The following KAT6A variants were observed in gnomAD, a reference collection of about 807,000 sequenced individuals.
KAT6A encodes the protein lysine acetyltransferase 6A.
KAT6A carries 9 observed loss-of-function variants against 198.4 expected under a neutral mutation model. The observed-to-expected ratio is 0.05, with a 90% CI of 0.03 to 0.08. The LOEUF is 0.08. Ranked by LOEUF, KAT6A falls within the 10% of genes least tolerant of loss-of-function variation. The probability of loss-of-function intolerance (pLI) is 1.00; values close to 1 mark genes in which losing one functional copy is unlikely to be tolerated. For synonymous variants in KAT6A, 890 were observed against 883.0 expected, an observed-to-expected ratio of 1.01 and a Z score of -0.14; for missense variants, 2,077 against 2,509.9, an observed-to-expected ratio of 0.83 and a Z score of 3.69.
Position 41,933,494 on chromosome 8 carries a change from T to C in KAT6A, c.4726A>G (p.Ser1576Gly). The C allele has an allele frequency of 6.2e-7, 1 of 1,613,778 alleles. No homozygotes were observed. Among genetic ancestry groups the C allele is most frequent in the Non-Finnish European group, 8.5e-7 (1 of 1,179,750 alleles). ...TGGGAAGAGCTGTTCCCACAGATGCTGCCGCCCATCGTGGAGTCGTAACTG... is the reference window on the plus strand; with the variant it reads ...TGGGAAGAGCTGTTCCCACAGATGCCGCCGCCCATCGTGGAGTCGTAACTG... Reference protein sequence around the residue: ...PSSYDSTMGGSICGNSSSQSS... With the variant: ...PSSYDSTMGGGICGNSSSQSS... The change falls in exon 17 of 17, where the codon AGC (serine) becomes GGC (glycine). Residue 1576 changes from serine to glycine, a missense_variant. Around this residue, in one of 13 missense-constraint regions of KAT6A, gnomAD observed 500 missense variants for 577.2 expected, o/e 0.87. Coordinates refer to ENST00000265713, the MANE Select transcript of KAT6A (RefSeq NM_006766.5). This position sits in a 1 kb window ranked among gnomAD's most constrained non-coding sequence, Gnocchi z 6.2.
In KAT6A at chr8:41,972,187, G is replaced by GAAT. The variant is rs1192769237; in HGVS notation, c.1482+2514_1482+2516dup. ...AATAATCTATGAGTTTAAACAAAATGAATAAACAAATAGGAAGAAGAAAAA... is the reference window on the plus strand; with the variant it reads ...AATAATCTATGAGTTTAAACAAAATGAATAATAAACAAATAGGAAGAAGAAAAA... On this transcript the variant is annotated intron_variant, in intron 8 of 16. Transcript: ENST00000265713. Among the ~76,000 whole-genome samples, 9 of 148,990 alleles carry GAAT rather than the reference G, an allele frequency of 6.0e-5. No individual in the cohort carries two copies. In the Admixed American group the frequency reaches 6.1e-4, roughly 10 times the overall value.
chr8:41,932,490 A>G lies in KAT6A; in HGVS notation c.5730T>C (p.Asn1910=), dbSNP rs144084994. Residue 1910 remains asparagine (N), a synonymous_variant, in exon 17 of 17, where the codon AAT becomes AAC. Coordinates refer to ENST00000265713, the MANE Select transcript of KAT6A (RefSeq NM_006766.5). ...GVNLMPTPAY[N]VNSMNMNTLN... ...AGGTGTTCATATTCATGGAATTGAC[A>G]TTATAGGCGGGAGTAGGCATCAGAT... The G allele has an allele frequency of 3.2e-4, 524 of 1,614,254 alleles. No homozygotes were observed. The highest frequency in any genetic ancestry group is 1.6e-3 in the Middle Eastern group (10 of 6,062).
chr8:41,932,921 G>C lies in KAT6A; in HGVS notation c.5299C>G (p.His1767Asp), dbSNP rs1821629207. ...QQLTNTIMDPHAMPYSHSPAV... is the reference protein window; with the variant it reads ...QQLTNTIMDPDAMPYSHSPAV... ...GGAGAATGGCTATAAGGCATGGCAT[G>C]AGGGTCCATAATGGTGTTGGTCAGC... is the stretch of plus-strand genomic sequence containing the variant. Residue 1767 changes from histidine to aspartate, a missense_variant, in exon 17 of 17, where the codon CAT (histidine) becomes GAT (aspartate). His to Asp is a moderately conservative substitution (Grantham distance 81). Transcript: ENST00000265713. 6.2e-7 allele frequency: 1 copy of C among 1,614,056 alleles called. No individual in the cohort carries two copies.
At position 42,006,044 on chromosome 8, in the gene KAT6A, TAAAC is replaced by T. The variant is rs529731278; in HGVS notation, c.601-18485_601-18482del. 1.3e-4 allele frequency among the ~76,000 whole-genome samples: 20 copies of T among 152,280 alleles called. No individual in the cohort carries two copies. In the South Asian group the frequency reaches 3.5e-3, roughly 27 times the overall value. On this transcript the variant is annotated intron_variant, in intron 2 of 16. Coordinates refer to ENST00000265713, the MANE Select transcript of KAT6A (RefSeq NM_006766.5). ...CTACAAGCATATGCTACCACAGAAA[TAAAC>T]AAAGTTTCTGTGAAGCAAAAGTATA...
intron 2 of KAT6A, among the ~76,000 whole-genome samples, chr8:42,028,306 C>A (rs932408317): frequency 2.6e-5 from 4 of 152,132 alleles, no homozygotes; most frequent in Admixed American, 2.0e-4. Flanking sequence ...GCACAGCTGA[C>A]CTGCCCAATT....
intron 8 of KAT6A, 35 bp from the exon 9 acceptor site, chr8:41,955,446 A>G (rs765434443): frequency 3.1e-6 from 4 of 1,307,580 alleles, no homozygotes; most frequent in South Asian, 2.4e-5. Context: ...AAAGTTAGCT[A>G]AATTAGACAC....
intron 1 of KAT6A, among the ~76,000 whole-genome samples, chr8:42,050,922 C>A (rs1402285868): frequency 1.3e-5 from 2 of 152,144 alleles, no homozygotes. Context: ...CTAGAGCGAG[C>A]GCAACTCGCT....
chr8:41,949,110 T>C (rs1822542462), intron 10 of KAT6A, 112 bp downstream of exon 10: 1 of 628,176 alleles, frequency 1.6e-6, no homozygotes, highest in African/African-American at 1.9e-5. Flanking sequence ...TTAGTACTTT[T>C]TCCATTTTAG....
At chr8:42,024,826 T>C (rs1424988222) in intron 2 of KAT6A, among the ~76,000 whole-genome samples, 6 of 152,194 alleles carry the variant, frequency 3.9e-5, no homozygotes, top group Admixed American at 2.0e-4. Flanking sequence ...ATTTATAAAA[T>C]TTTCTTTATC....
intron 2 of KAT6A, among the ~76,000 whole-genome samples, chr8:41,989,265 T>C (rs1262786192): frequency 1.3e-5 from 2 of 152,044 alleles, no homozygotes; most frequent in South Asian, 2.1e-4. Context: ...TCCCAGCACT[T>C]TGGGAGGCCG....
chr8:41,954,141 T>C (rs1159307135), intron 9 of KAT6A, among the ~76,000 whole-genome samples: 4 of 152,218 alleles, frequency 2.6e-5, no homozygotes, highest in Non-Finnish European at 4.4e-5. Flanking sequence ...GGTCAGTGTC[T>C]GAAATGGCAT....
intron 8 of KAT6A, among the ~76,000 whole-genome samples, chr8:41,962,462 T>A (rs569585977): frequency 1.3e-5 from 2 of 152,252 alleles, no homozygotes; most frequent in South Asian, 4.1e-4. Context: ...GCTTTCACAA[T>A]GCATCAACAT....
intron 2 of KAT6A, among the ~76,000 whole-genome samples, chr8:42,017,791 C>G (rs1483587080): frequency 2.0e-5 from 3 of 152,172 alleles, no homozygotes; most frequent in Non-Finnish European, 4.4e-5. Context: ...AGAGATAGCA[C>G]TCAGACAAAA....
chr8:41,937,646 C>G, intron 15 of KAT6A, 78 bp from the exon 16 acceptor site: 13 of 1,166,732 alleles, frequency 1.1e-5, no homozygotes, highest in Non-Finnish European at 1.6e-5. Context: ...AGTTTTAAAA[C>G]CAAATAGAAT....
chr8:41,958,730 A>G (rs1351366737), intron 8 of KAT6A, among the ~76,000 whole-genome samples: 1 of 152,244 alleles, frequency 6.6e-6, no homozygotes, highest in African/African-American at 2.4e-5. Flanking sequence ...AATCAGACAC[A>G]CTAAAATTTC....
chr8:41,947,085 T>C (rs1333603033), intron 11 of KAT6A, among the ~76,000 whole-genome samples: 3 of 152,234 alleles, frequency 2.0e-5, no homozygotes, highest in Non-Finnish European at 4.4e-5. Context: ...CCTGCTCTGG[T>C]GCTCCTCAGA....
intron 5 of KAT6A, 86 bp from the exon 6 acceptor site, chr8:41,978,863 C>G: frequency 7.9e-7 from 1 of 1,269,368 alleles, no homozygotes; most frequent in South Asian, 1.3e-5. Context: ...AGGATCTTAA[C>G]TTTTTCAGGT....
intron 2 of KAT6A, among the ~76,000 whole-genome samples, chr8:42,010,230 A>G (rs994314824): frequency 1.1e-4 from 17 of 152,116 alleles, no homozygotes; most frequent in Admixed American, 8.5e-4. Flanking sequence ...GCTTGAACCC[A>G]GGAGGCAGAG....
At chr8:42,030,678 C>A (rs1827064325) in intron 2 of KAT6A, among the ~76,000 whole-genome samples, 1 of 151,842 alleles carries the variant, frequency 6.6e-6, no homozygotes, top group African/African-American at 2.4e-5. Context: ...GATACTCGTG[C>A]CTCAGCTTCT....
Sources: allele counts gnomAD v4.1 joint callset (sites outside exome capture counted in the v4.1 genomes callset), GRCh38; gene constraint gnomAD v4.1.1; regional missense constraint gnomAD v4.1.1; non-coding constraint Gnocchi (gnomAD v3.1); transcripts MANE v1.5; gene names NCBI Gene and HGNC (gene_info 2026-07-23, HGNC 2026-07-21).